CYREN: variants seen among roughly 807,000 people sequenced by gnomAD.
CYREN encodes the protein cell cycle regulator of NHEJ.
A neutral mutation model predicts 9.7 loss-of-function variants in CYREN; 7 were observed. The observed-to-expected ratio is 0.72, with a 90% confidence interval of 0.41 to 1.36. The LOEUF (loss-of-function observed/expected upper bound fraction) is 1.36. CYREN is among the 40% of genes most tolerant of loss of function. CYREN has a pLI of 0.01. For missense variants in CYREN, 215 were observed against 198.1 expected (o/e 1.09, Z -0.51); for synonymous variants, 76 against 77.9 (o/e 0.98, Z 0.13).
At chr7:135,103,469 T>A (rs1027256768) in intron 2 of CYREN, among the ~76,000 whole-genome samples, 5 of 152,230 alleles carry the variant, frequency 3.3e-5, no homozygotes, top group African/African-American at 1.2e-4. Flanking sequence ...CTTTATTTTC[T>A]TAATATGCAT....
chr7:135,168,771 CCA>C lies in CYREN; in HGVS notation c.137+13_137+14del. On this transcript the variant is annotated intron_variant, in intron 2 of 3. Transcript: ENST00000393114. Reference sequence around the variant, plus strand: ...TGCCAGATTCGCAGGAGTCTTCTGACCAGAGCTGTCGCACCTTGCTGCTGCCA... The same window carrying C: ...TGCCAGATTCGCAGGAGTCTTCTGACGAGCTGTCGCACCTTGCTGCTGCCA... The C allele has an allele frequency of 6.2e-7, 1 of 1,612,506 alleles. No individual in the cohort carries two copies. The highest frequency in any genetic ancestry group is 8.5e-7 in the Non-Finnish European group (1 of 1,179,200).
At chr7:135,147,531 G>T (rs976325547) in intron 2 of CYREN, among the ~76,000 whole-genome samples, 1 of 152,102 alleles carries the variant, frequency 6.6e-6, no homozygotes, top group Non-Finnish European at 1.5e-5. Flanking sequence ...AGCTTTGTTC[G>T]GCTCTTATTT....
At chr7:135,135,287 T>C in intron 2 of CYREN, 1 of 1,454,170 alleles carries the variant, frequency 6.9e-7, no homozygotes, top group Non-Finnish European at 9.1e-7. Context: ...CTCTGAGAAC[T>C]GTGAATGAAG....
chr7:135,116,569 G>A (rs1215317676), intron 2 of CYREN, among the ~76,000 whole-genome samples: 1 of 152,088 alleles, frequency 6.6e-6, no homozygotes, highest in Non-Finnish European at 1.5e-5. Flanking sequence ...TGGAAATCTC[G>A]GCTCCCCATT....
intron 2 of CYREN, among the ~76,000 whole-genome samples, chr7:135,139,338 G>A (rs1829411066): frequency 6.6e-6 from 1 of 151,626 alleles, no homozygotes; most frequent in Non-Finnish European, 1.5e-5. Flanking sequence ...AATCATTAGT[G>A]ATGTTGAGAA....
Position 135,137,519 on chromosome 7 carries a change from C to G in CYREN, n.356+31230G>C, listed in dbSNP as rs529097566. Among the ~76,000 whole-genome samples, 15 of 151,698 alleles carry G rather than the reference C, an allele frequency of 9.9e-5. No homozygotes were observed. In the South Asian group the frequency reaches 1.0e-3, roughly 11 times the overall value. On this transcript the variant is annotated intron_variant and non_coding_transcript_variant, in intron 2 of 2. Transcript: ENST00000459937. ...TTTCTCAAAATGAACGACACCAAAC[C>G]ACAGATCCAGAAAGCTCACAGAATA...
intron 2 of CYREN, among the ~76,000 whole-genome samples, chr7:135,137,744 A>AACT (rs1265892784): frequency 6.6e-6 from 1 of 152,058 alleles, no homozygotes; most frequent in Non-Finnish European, 1.5e-5. Flanking sequence ...AAATACCATA[A>AACT]ACTAGGCTGC....
intron 2 of CYREN, among the ~76,000 whole-genome samples, chr7:135,157,227 T>C (rs1829817492): frequency 6.6e-6 from 1 of 152,244 alleles, no homozygotes; most frequent in South Asian, 2.1e-4. Flanking sequence ...AAATTGCTTT[T>C]ATAAGGGAGA....
chr7:135,172,033 C>T (rs1238577684), upstream of CYREN, among the ~76,000 whole-genome samples: 3 of 152,202 alleles, frequency 2.0e-5, no homozygotes, highest in South Asian at 2.1e-4. Context: ...TGATCACCCA[C>T]GGTGTGCCTG....
At chr7:135,135,635 C>A (rs542646947) in intron 2 of CYREN, 1 of 159,214 alleles carries the variant, frequency 6.3e-6, no homozygotes, top group African/African-American at 2.4e-5. Flanking sequence ...CCCTACTAGA[C>A]ACTTTAATCA....
chr7:135,096,887 C>CA (rs1364341403), intron 2 of CYREN, among the ~76,000 whole-genome samples: 3 of 151,810 alleles, frequency 2.0e-5, no homozygotes, highest in Admixed American at 6.6e-5. Context: ...GAGCATATGA[C>CA]AAAATATGCA....
intron 2 of CYREN, among the ~76,000 whole-genome samples, chr7:135,099,534 C>T (rs1478908429): frequency 6.6e-6 from 1 of 152,094 alleles, no homozygotes; most frequent in Non-Finnish European, 1.5e-5. Flanking sequence ...AGTGAAAATA[C>T]CTGAACGAGC....
intron 2 of CYREN, chr7:135,128,865 G>A: frequency 7.9e-7 from 1 of 1,268,912 alleles, no homozygotes; most frequent in Non-Finnish European, 1.2e-6. Flanking sequence ...TATGATCCAG[G>A]AAATCTTGGA....
chr7:135,158,069 G>C (rs1479255080), intron 2 of CYREN, among the ~76,000 whole-genome samples: 1 of 152,024 alleles, frequency 6.6e-6, no homozygotes, highest in Non-Finnish European at 1.5e-5. Flanking sequence ...GTTTCTCCTT[G>C]ACTGGGCAGC....
intron 2 of CYREN, among the ~76,000 whole-genome samples, chr7:135,150,590 G>A (rs1333535369): frequency 6.6e-6 from 1 of 152,130 alleles, no homozygotes; most frequent in Non-Finnish European, 1.5e-5. Context: ...GGAAGAGAGG[G>A]CTGGTGCGGG....
Position 135,166,627 on chromosome 7 carries a change from T to C in CYREN, c.458A>G (p.Glu153Gly). The C allele has an allele frequency of 6.3e-7, 1 of 1,598,246 alleles. No homozygotes were observed. Among genetic ancestry groups the C allele is most frequent in the Non-Finnish European group, 8.5e-7 (1 of 1,177,288 alleles). Residue 153 changes from glutamate (E) to glycine (G), a missense_variant, in exon 4 of 4, where the codon GAG becomes GGG. Physicochemically the swap from Glu to Gly is moderately conservative, Grantham distance 98 (BLOSUM62 -2). Coordinates refer to ENST00000393114, the MANE Select transcript of CYREN (RefSeq NM_024033.4). ...EEEDVLKYVR[E>G]IFFS ...GTTTATGCCCTAGCTGAAAAAGATC[T>C]CCCGGACGTATTTCAGCACATCCTC...
In CYREN at chr7:135,121,177, C is replaced by T. The variant is rs570110645; in HGVS notation, n.357-26595G>A. Among the ~76,000 whole-genome samples, 199 of 152,178 alleles carry T rather than the reference C, an allele frequency of 1.3e-3. 3 individuals carry two copies. Among genetic ancestry groups the T allele is most frequent in the African/African-American group, 4.7e-3 (197 of 41,522 alleles). ...CCAAGATGGTGCCATTGCACTCCAG[C>T]CTGGGCAACAAAAACAAAACTCCGT... is the stretch of plus-strand genomic sequence containing the variant. On this transcript the variant is annotated intron_variant and non_coding_transcript_variant, in intron 2 of 2. Transcript: ENST00000459937.
chr7:135,130,699 C>T (rs988947113), intron 2 of CYREN, among the ~76,000 whole-genome samples: 3 of 152,098 alleles, frequency 2.0e-5, no homozygotes, highest in African/African-American at 7.2e-5. Flanking sequence ...CATATAGTGA[C>T]AGTATAACCT....
chr7:135,114,109 C>T (rs1034615737), intron 2 of CYREN, among the ~76,000 whole-genome samples: 5 of 33,270 alleles, frequency 1.5e-4, no homozygotes, highest in South Asian at 1.7e-3. Context: ...TCAATGAACA[C>T]GTGTGTTGCT....
Sources: allele counts gnomAD v4.1 joint callset (sites outside exome capture counted in the v4.1 genomes callset), GRCh38; gene constraint gnomAD v4.1.1; transcripts MANE v1.5; gene names NCBI Gene and HGNC (gene_info 2026-07-23, HGNC 2026-07-21).